PTPRD: variants seen among roughly 807,000 people sequenced by gnomAD.
The protein encoded by PTPRD is receptor-type tyrosine-protein phosphatase delta.
PTPRD carries 34 observed loss-of-function variants against 214.5 expected under a neutral mutation model. The observed-to-expected ratio is 0.16, with a 90% CI of 0.12 to 0.21. The LOEUF (loss-of-function observed/expected upper bound fraction) is 0.21, where lower values mean the gene tolerates loss of function less well. Ranked by LOEUF, PTPRD falls within the 10% of genes least tolerant of loss-of-function variation. PTPRD has a pLI of 1.00. For synonymous variants in PTPRD, 1,128 were observed against 845.7 expected (o/e 1.33, Z -5.79); for missense variants, 2,545 against 2,398.7 (o/e 1.06, Z -1.27).
chr9:10,338,351 T>C (rs1443201967), intron 3 of PTPRD, among the ~76,000 whole-genome samples: 1 of 151,652 alleles, frequency 6.6e-6, no homozygotes, highest in Non-Finnish European at 1.5e-5. Flanking sequence ...TAATGCTCGA[T>C]TTCTATCCAT....
At chr9:10,172,091 C>T (rs2099211753) in intron 3 of PTPRD, among the ~76,000 whole-genome samples, 1 of 152,080 alleles carries the variant, frequency 6.6e-6, no homozygotes, top group Non-Finnish European at 1.5e-5. Context: ...ACACTGAATA[C>T]CAAATACACA....
At chr9:10,500,277 G>A (rs986073626) in intron 2 of PTPRD, among the ~76,000 whole-genome samples, 1 of 151,572 alleles carries the variant, frequency 6.6e-6, no homozygotes, top group African/African-American at 2.4e-5. Flanking sequence ...TTAACTCCTT[G>A]AAGGCCACAG....
chr9:8,444,662 T>C (rs758091244), intron 34 of PTPRD, among the ~76,000 whole-genome samples: 1 of 152,146 alleles, frequency 6.6e-6, no homozygotes, highest in Admixed American at 6.6e-5. Flanking sequence ...AAGAGTAACA[T>C]AATGAACACC....
chr9:8,343,487 C>T (rs765791066), intron 39 of PTPRD, among the ~76,000 whole-genome samples: 60 of 152,020 alleles, frequency 3.9e-4, no homozygotes, highest in Non-Finnish European at 4.9e-4. Context: ...AGAGCAAAGT[C>T]GGCCTGGTGG....
In PTPRD at chr9:8,681,927, C is replaced by A. The variant is rs1343133857; in HGVS notation, c.65-45083G>T. 1.6e-4 allele frequency among the ~76,000 whole-genome samples: 25 copies of A among 152,262 alleles called. 2 individuals carry two copies. In the East Asian group the frequency reaches 2.9e-3, roughly 18 times the overall value. ...TACATTACTTCAGCTCTAAAAGGTG[C>A]TGAACAACCGACTACGGTAGGAGAA... On this transcript the variant is annotated intron_variant, in intron 12 of 45. Coordinates refer to ENST00000381196, the MANE Select transcript of PTPRD (RefSeq NM_002839.4).
At chr9:10,610,475 G>A (rs946063157) in intron 2 of PTPRD, among the ~76,000 whole-genome samples, 12 of 151,502 alleles carry the variant, frequency 7.9e-5, no homozygotes, top group African/African-American at 2.7e-4. Flanking sequence ...GCCCTACTTA[G>A]GTACAATCTT....
At chr9:10,455,477 T>A (rs1018404675) in intron 2 of PTPRD, among the ~76,000 whole-genome samples, 4 of 151,676 alleles carry the variant, frequency 2.6e-5, no homozygotes, top group African/African-American at 4.8e-5. Context: ...GTCCAATGAC[T>A]TTTTTTACAT....
intron 7 of PTPRD, among the ~76,000 whole-genome samples, chr9:9,694,274 AC>A (rs1158685104): frequency 1.4e-5 from 2 of 146,442 alleles, no homozygotes; most frequent in Non-Finnish European, 3.0e-5. Context: ...AGGGTCTTGA[AC>A]CCCAAGCATA....
chr9:9,708,265 T>C lies in PTPRD; in HGVS notation c.-287+26268A>G, dbSNP rs1010588824. On this transcript the variant is annotated intron_variant, in intron 7 of 45. Coordinates refer to ENST00000381196, the MANE Select transcript of PTPRD (RefSeq NM_002839.4). ...CATCAGTGATGCATTCAGCTATGTG[T>C]TTACTCTTTCTCTCTACCTGGAGTT... 2.6e-5 allele frequency among the ~76,000 whole-genome samples: 4 copies of C among 152,114 alleles called. No homozygotes were observed. In the South Asian group the frequency reaches 8.3e-4, roughly 31 times the overall value.
At chr9:10,482,022 A>G (rs1272180424) in intron 2 of PTPRD, among the ~76,000 whole-genome samples, 2 of 152,148 alleles carry the variant, frequency 1.3e-5, no homozygotes, top group Non-Finnish European at 2.9e-5. Context: ...AGTGAAAAAA[A>G]GAGGAAAGAA....
chr9:10,239,516 C>T (rs1316992959), intron 3 of PTPRD, among the ~76,000 whole-genome samples: 6 of 151,850 alleles, frequency 4.0e-5, no homozygotes, highest in African/African-American at 1.2e-4. Context: ...TAGGGTTGAA[C>T]TTACACTTCA....
chr9:8,465,692 G>A lies in PTPRD; in HGVS notation c.3505-17C>T. 6.3e-7 allele frequency: 1 copy of A among 1,583,542 alleles called. No individual in the cohort carries two copies. The highest frequency in any genetic ancestry group is 8.6e-7 in the Non-Finnish European group (1 of 1,163,994). ...CTTAAGCAGCTTAAGGAAAAAAGTG[G>A]GAAACAGAAAAAGAACTGTAAATAA... On this transcript the variant is annotated splice_polypyrimidine_tract_variant and intron_variant, in intron 31 of 45. Transcript: ENST00000381196.
intron 39 of PTPRD, among the ~76,000 whole-genome samples, chr9:8,361,536 C>G (rs771624852): frequency 6.6e-6 from 1 of 152,056 alleles, no homozygotes; most frequent in African/African-American, 2.4e-5. Flanking sequence ...AACCTGGAGT[C>G]GAGAAAGCAG....
At position 8,315,870 on chromosome 9, in the gene PTPRD, T is replaced by C. The variant is rs1282969712; in HGVS notation, c.*2004A>G. The C allele has an allele frequency of 4.4e-6, 1 of 225,134 alleles. No homozygotes were observed. Among genetic ancestry groups the C allele is most frequent in the African/African-American group, 2.2e-5 (1 of 44,836 alleles). The allele number at this position is 225,134 out of a possible 1,614,324, so 13.9% of individuals were successfully genotyped here. Reference sequence around the variant, plus strand: ...GAGGATTATTTAAAATCATGTAATATGTGGCAAACTTATGCCATCATCCAT... The same window carrying C: ...GAGGATTATTTAAAATCATGTAATACGTGGCAAACTTATGCCATCATCCAT... On this transcript the variant is annotated 3_prime_UTR_variant, in exon 46 of 46. Coordinates refer to ENST00000381196, the MANE Select transcript of PTPRD (RefSeq NM_002839.4).
chr9:9,931,997 C>A (rs2086836063), intron 5 of PTPRD, among the ~76,000 whole-genome samples: 1 of 152,064 alleles, frequency 6.6e-6, no homozygotes, highest in Non-Finnish European at 1.5e-5. Context: ...AGTACTCCAA[C>A]AGACCTGCAG....
At chr9:10,453,583 A>T (rs2098869543) in intron 2 of PTPRD, among the ~76,000 whole-genome samples, 1 of 151,492 alleles carries the variant, frequency 6.6e-6, no homozygotes, top group African/African-American at 2.4e-5. Context: ...TTGCTTTTTT[A>T]AAATTATTTT....
chr9:10,523,229 T>C (rs1412856854), intron 2 of PTPRD, among the ~76,000 whole-genome samples: 4 of 152,062 alleles, frequency 2.6e-5, no homozygotes. Flanking sequence ...TGTGCCTAGA[T>C]TGCAAAATCC....
In PTPRD at chr9:8,705,083, C is replaced by T. The variant is rs1377262525; in HGVS notation, c.64+28697G>A. On this transcript the variant is annotated intron_variant, in intron 12 of 45. Coordinates refer to ENST00000381196, the MANE Select transcript of PTPRD (RefSeq NM_002839.4). The stretch of plus-strand genomic sequence containing the variant: ...ATCTGAGCCTCTCCTTATATTACTG[C>T]AATTTTCAATAAGTTTAAAAAAAGG... Among the ~76,000 whole-genome samples, 3 of 152,096 alleles carry T rather than the reference C, an allele frequency of 2.0e-5. No individual in the cohort carries two copies. In the East Asian group the frequency reaches 5.8e-4, roughly 29 times the overall value.
intron 7 of PTPRD, among the ~76,000 whole-genome samples, chr9:9,633,229 A>G (rs2095648592): frequency 6.6e-6 from 1 of 151,948 alleles, no homozygotes; most frequent in Non-Finnish European, 1.5e-5. Flanking sequence ...TGGGAGGCGG[A>G]GGTTGAAGTA....
Sources: gnomAD v4.1 joint callset for allele counts (sites outside exome capture counted in the v4.1 genomes callset) on GRCh38, gnomAD v4.1.1 for gene constraint, MANE v1.5 for transcripts, NCBI Gene and HGNC (gene_info 2026-07-23, HGNC 2026-07-21) for gene names.